The following SNTG2 variants were observed in gnomAD, a reference collection of about 807,000 sequenced individuals.
SNTG2 encodes the protein gamma-2-syntrophin.
In SNTG2, 74 loss-of-function variants were observed where a neutral mutation model predicts 70.9. The observed-to-expected ratio is 1.04, with a 90% CI of 0.86 to 1.27. SNTG2 has a LOEUF of 1.27. Ranked by LOEUF, SNTG2 falls within the 50% of genes most tolerant of loss-of-function variation. SNTG2 has a pLI of 0.00. For missense variants in SNTG2, 717 were observed against 690.7 expected, an observed-to-expected ratio of 1.04 and a Z score of -0.43; for synonymous variants, 278 against 273.8, an observed-to-expected ratio of 1.02 and a Z score of -0.15.
At chr2:1,163,326 G>C (rs374816708) in intron 6 of SNTG2, 3 of 147,602 alleles carry the variant, frequency 2.0e-5, no homozygotes, top group Non-Finnish European at 4.4e-5. Flanking sequence ...AAGTGGGCAT[G>C]GGAAGCCTCC....
intron 1 of SNTG2, among the ~76,000 whole-genome samples, chr2:1,021,105 C>T (rs1163806666): frequency 2.6e-5 from 4 of 152,114 alleles, no homozygotes; most frequent in East Asian, 1.9e-4. Context: ...AGTAAGGAAT[C>T]GTGTTTTGAT....
At chr2:1,308,343 G>T (rs1240555983) in intron 14 of SNTG2, 151 bp from the exon 15 acceptor site, 2 of 671,178 alleles carry the variant, frequency 3.0e-6, no homozygotes, top group African/African-American at 3.6e-5. Context: ...GGTCTCCCGG[G>T]ACCCTGCATC....
In SNTG2 at chr2:1,322,420, T is replaced by C. The variant is rs144870456; in HGVS notation, c.1488+6045T>C. Among the ~76,000 whole-genome samples the C allele has an allele frequency of 6.2e-3, 945 of 152,284 alleles. 5 individuals are homozygous for C. Among genetic ancestry groups the C allele is most frequent in the African/African-American group, 0.021 (890 of 41,562 alleles). ...AGGTCAGGTGCGTCCTGGGACTTCA[T>C]TTCCTAGAGAGGAACTGAGGTTGAA... On this transcript the variant is annotated intron_variant, in intron 16 of 16. Transcript: ENST00000308624.
intron 12 of SNTG2, among the ~76,000 whole-genome samples, chr2:1,254,498 T>C (rs894940507): frequency 1.3e-5 from 2 of 148,168 alleles, no homozygotes; most frequent in Admixed American, 6.7e-5. Context: ...CAACTGCCTA[T>C]GCATATGCAA....
chr2:1,239,620 TC>T, intron 10 of SNTG2, 117 bp from the exon 11 acceptor site: 1 of 1,025,176 alleles, frequency 9.8e-7, no homozygotes, highest in Non-Finnish European at 1.5e-6. Flanking sequence ...AGGAAATATG[TC>T]ATTAAAGAGG....
intron 4 of SNTG2, among the ~76,000 whole-genome samples, chr2:1,114,929 CT>C (rs1666837155): frequency 6.6e-6 from 1 of 151,734 alleles, no homozygotes; most frequent in African/African-American, 2.4e-5. Context: ...GTCTTGTGTA[CT>C]ACGTGAGGTT....
At chr2:1,236,919 T>C (rs1376718933) in intron 9 of SNTG2, among the ~76,000 whole-genome samples, 3 of 152,030 alleles carry the variant, frequency 2.0e-5, no homozygotes, top group Non-Finnish European at 4.4e-5. Flanking sequence ...TTATGAGTCA[T>C]ATACATTAAT....
At chr2:955,345 C>A (rs1041575294) in intron 1 of SNTG2, among the ~76,000 whole-genome samples, 9 of 152,226 alleles carry the variant, frequency 5.9e-5, no homozygotes, top group African/African-American at 2.2e-4. Context: ...GGCACCGAAT[C>A]GTGTTATTAT....
intron 6 of SNTG2, chr2:1,158,238 C>G (rs958846127): frequency 5.3e-5 from 8 of 152,298 alleles, no homozygotes; most frequent in African/African-American, 1.9e-4. Context: ...ATAAATTAAA[C>G]CTTCCCTTTA....
At chr2:970,810 T>C (rs566916029) in intron 1 of SNTG2, among the ~76,000 whole-genome samples, 6 of 152,096 alleles carry the variant, frequency 3.9e-5, no homozygotes, top group African/African-American at 1.4e-4. Context: ...GGTCAAATGG[T>C]ATTTCTAGTT....
chr2:1,225,349 C>T (rs1276894176), intron 9 of SNTG2, among the ~76,000 whole-genome samples: 1 of 152,218 alleles, frequency 6.6e-6, no homozygotes, highest in Non-Finnish European at 1.5e-5. Context: ...ATGTGTTATC[C>T]GTCCTCATTT....
chr2:972,320 T>C lies in SNTG2; in HGVS notation c.72+21252T>C, dbSNP rs568893124. Among the ~76,000 whole-genome samples the C allele has an allele frequency of 9.2e-5, 14 of 152,240 alleles. 1 individual carries two copies. In the South Asian group the frequency reaches 2.1e-3, roughly 22 times the overall value. ...TTTATGAATCTGGGTGCTCCTGTGT[T>C]GAGTCCATACACATTTAGCATAGTT... On this transcript the variant is annotated intron_variant, in intron 1 of 16. Transcript: ENST00000308624.
intron 1 of SNTG2, among the ~76,000 whole-genome samples, chr2:1,057,820 G>T (rs4971424): frequency 0.2 from 29,764 of 151,934 alleles, 3,598 homozygotes; most frequent in East Asian, 0.5. Flanking sequence ...TTAGTATAAA[G>T]TTGCATTTCA....
rs545333401 is a variant in SNTG2 at position 1,018,723 on chromosome 2, T to A, written c.73-64795T>A. ...TATGCAAAGCCAATGCATGCTCAAG[T>A]GGCTGGCAAAAAAAAATTAATAATA... On this transcript the variant is annotated intron_variant, in intron 1 of 16. Coordinates refer to ENST00000308624, the MANE Select transcript of SNTG2 (RefSeq NM_018968.4). 4.6e-5 allele frequency among the ~76,000 whole-genome samples: 7 copies of A among 152,118 alleles called. No individual in the cohort carries two copies. In the East Asian group the frequency reaches 1.4e-3, roughly 30 times the overall value.
chr2:1,282,052 T>C (rs1011639341), intron 14 of SNTG2, among the ~76,000 whole-genome samples: 1 of 152,236 alleles, frequency 6.6e-6, no homozygotes, highest in Non-Finnish European at 1.5e-5. Context: ...TGCCTGGAGC[T>C]GTCAGTTTTG....
chr2:1,100,076 G>C (rs80348948), intron 4 of SNTG2, among the ~76,000 whole-genome samples: 1,580 of 152,282 alleles, frequency 0.01, 43 homozygotes, highest in African/African-American at 0.036. Flanking sequence ...AAGAAATACA[G>C]GTTAGTTGTA....
chr2:1,102,406 A>T (rs1000707321), intron 4 of SNTG2: 1 of 152,108 alleles, frequency 6.6e-6, no homozygotes, highest in African/African-American at 2.4e-5. Context: ...CCCTTCTGGG[A>T]TTTTGGTGAA....
At chr2:1,161,474 G>C (rs1032929959) in intron 6 of SNTG2, 3 of 152,276 alleles carry the variant, frequency 2.0e-5, no homozygotes, top group African/African-American at 7.2e-5. Context: ...GTGGGCTGAA[G>C]GAGGCTGCCC....
chr2:1,205,300 T>TTA (rs777748063), intron 8 of SNTG2, among the ~76,000 whole-genome samples: 2 of 152,174 alleles, frequency 1.3e-5, no homozygotes, highest in Non-Finnish European at 2.9e-5. Context: ...TCCAGTAACT[T>TTA]TATAAAGAGT....
Sources: allele counts gnomAD v4.1 joint callset (sites outside exome capture counted in the v4.1 genomes callset), GRCh38; gene constraint gnomAD v4.1.1; transcripts MANE v1.5; gene names NCBI Gene and HGNC (gene_info 2026-07-23, HGNC 2026-07-21).